The following SGIP1 variants were observed in gnomAD, a reference collection of about 807,000 sequenced individuals.
SGIP1 encodes SH3GL interacting endocytic adaptor 1, also known as SH3-containing GRB2-like protein 3-interacting protein 1.
Under a neutral mutation model 107.5 loss-of-function variants are expected in SGIP1, and 38 were observed. That is an observed-to-expected ratio of 0.35 (90% CI 0.27 to 0.46). The LOEUF (loss-of-function observed/expected upper bound fraction) is 0.46. Ranked by LOEUF, SGIP1 falls within the 20% of genes least tolerant of loss-of-function variation. The probability of loss-of-function intolerance (pLI) is 1.00; values close to 1 mark genes in which losing one functional copy is unlikely to be tolerated. For missense variants in SGIP1, 929 were observed against 1,019.5 expected (o/e 0.91, Z 1.21); for synonymous variants, 365 against 366.1 (o/e 1.00, Z 0.03).
At chr1:66,627,892 TC>T (rs537853371) in intron 2 of SGIP1, among the ~76,000 whole-genome samples, 21 of 123,422 alleles carry the variant, frequency 1.7e-4, no homozygotes, top group African/African-American at 5.3e-4. Context: ...ATGCTATCCC[TC>T]CCCCCTCCCC....
At chr1:66,698,383 T>TC (rs199688742) in intron 18 of SGIP1, among the ~76,000 whole-genome samples, 3,052 of 151,174 alleles carry the variant, frequency 0.02, 101 homozygotes, top group African/African-American at 0.07. Flanking sequence ...TGATGACTTT[T>TC]TTTTTTTTTT....
chr1:66,663,774 A>AG (rs59531111), intron 8 of SGIP1, among the ~76,000 whole-genome samples: 2 of 152,104 alleles, frequency 1.3e-5, no homozygotes, highest in Non-Finnish European at 2.9e-5. Context: ...TAGAAAAAAA[A>AG]TTAAACCTTG....
At chr1:66,620,603 G>A (rs571614855) in intron 1 of SGIP1, among the ~76,000 whole-genome samples, 38 of 152,166 alleles carry the variant, frequency 2.5e-4, no homozygotes, top group South Asian at 6.2e-4. Flanking sequence ...ATAAACTCTT[G>A]TGAGAACTCT....
chr1:66,702,080 G>A (rs996483959), intron 18 of SGIP1, among the ~76,000 whole-genome samples: 4 of 152,114 alleles, frequency 2.6e-5, no homozygotes, highest in Non-Finnish European at 1.5e-5. Flanking sequence ...CCCTTAATAC[G>A]GGCTACATTC....
intron 18 of SGIP1, among the ~76,000 whole-genome samples, chr1:66,711,425 A>T (rs897887222): frequency 6.6e-6 from 1 of 152,148 alleles, no homozygotes; most frequent in African/African-American, 2.4e-5. Context: ...TCTCTTTCCA[A>T]CATTCTTTCC....
intron 6 of SGIP1, 91 bp from the exon 7 acceptor site, chr1:66,643,453 A>T: frequency 9.8e-7 from 1 of 1,016,776 alleles, no homozygotes; most frequent in Non-Finnish European, 1.4e-6. Flanking sequence ...ATCTAAGGAT[A>T]CTTTTGCTGT....
chr1:66,734,383 C>T (rs779504492), intron 21 of SGIP1, among the ~76,000 whole-genome samples: 5 of 151,846 alleles, frequency 3.3e-5, no homozygotes, highest in Non-Finnish European at 7.4e-5. Flanking sequence ...CTTTTTGTAT[C>T]TAGAATTGCC....
At chr1:66,600,888 A>T (rs914356629) in intron 1 of SGIP1, among the ~76,000 whole-genome samples, 4 of 152,140 alleles carry the variant, frequency 2.6e-5, no homozygotes, top group Admixed American at 2.6e-4. Context: ...AACAGGAAGG[A>T]TCTCTTGGGA....
intron 2 of SGIP1, among the ~76,000 whole-genome samples, chr1:66,630,829 A>G (rs186958489): frequency 0.065 from 600 of 9,270 alleles, 27 homozygotes; most frequent in African/African-American, 0.24. Context: ...GAAAGAAAGA[A>G]AGAAAGAAAG....
intron 1 of SGIP1, among the ~76,000 whole-genome samples, chr1:66,619,535 G>C (rs1040739866): frequency 1.3e-5 from 2 of 152,232 alleles, no homozygotes; most frequent in Admixed American, 1.3e-4. Flanking sequence ...CTAAGATGCT[G>C]ATAGGAAGGT....
intron 1 of SGIP1, among the ~76,000 whole-genome samples, chr1:66,618,889 G>T (rs938325524): frequency 1.3e-5 from 2 of 152,164 alleles, no homozygotes; most frequent in Non-Finnish European, 2.9e-5. Flanking sequence ...TAGCTGGAAG[G>T]CAGTCAAATT....
chr1:66,586,191 A>ATT (rs1293061159), intron 1 of SGIP1, among the ~76,000 whole-genome samples: 1 of 152,050 alleles, frequency 6.6e-6, no homozygotes, highest in East Asian at 1.9e-4. Flanking sequence ...TTCATAATAT[A>ATT]TTTTCCCATG....
Position 66,544,834 on chromosome 1 carries a change from G to A in SGIP1, c.10+10466G>A, listed in dbSNP as rs114436574. On this transcript the variant is annotated intron_variant, in intron 1 of 24. Transcript: ENST00000371037. ...GTTCTGGTAACAATGGCCTGAAATG[G>A]TCTCTAAGCCCGATTGTAGGTAGAA... Among the ~76,000 whole-genome samples the A allele has an allele frequency of 9.0e-3, 1,370 of 152,280 alleles. 16 individuals are homozygous for A. The highest frequency in any genetic ancestry group is 0.03 in the African/African-American group (1,263 of 41,548).
chr1:66,674,868 T>C (rs1277480012), intron 12 of SGIP1, among the ~76,000 whole-genome samples: 2 of 152,210 alleles, frequency 1.3e-5, no homozygotes, highest in East Asian at 3.8e-4. Context: ...CAGCTAAAAT[T>C]CTGTTACTAT....
chr1:66,709,896 A>G (rs1296790786), intron 18 of SGIP1, among the ~76,000 whole-genome samples: 6 of 152,226 alleles, frequency 3.9e-5, no homozygotes, highest in Admixed American at 2.6e-4. Flanking sequence ...ATTAGGTGAT[A>G]GTATAAGACT....
chr1:66,552,200 C>T (rs553224045), intron 1 of SGIP1, among the ~76,000 whole-genome samples: 15 of 152,194 alleles, frequency 9.9e-5, no homozygotes, highest in South Asian at 4.2e-4. Flanking sequence ...TTGTCATGAG[C>T]GGAGACTTTA....
At chr1:66,633,966 G>A in intron 3 of SGIP1, 1 of 826,208 alleles carries the variant, frequency 1.2e-6, no homozygotes, top group Admixed American at 2.5e-5. Flanking sequence ...TTGACTCAAG[G>A]TTCTTAGCTT....
In SGIP1 at chr1:66,534,664, G is replaced by C. The variant is rs550263655; in HGVS notation, c.10+296G>C. 1.2e-4 allele frequency among the ~76,000 whole-genome samples: 19 copies of C among 152,324 alleles called. No individual in the cohort carries two copies. The South Asian group carries it at 3.5e-3, about 28-fold the overall frequency. ...AGGAAAGAGCTTGCAGAGCAAATAA[G>C]TTGGGCGAGAAGATAAGGTTTTCTG... On this transcript the variant is annotated intron_variant, in intron 1 of 24. Coordinates refer to ENST00000371037, the MANE Select transcript of SGIP1 (RefSeq NM_032291.4).
At chr1:66,683,153 C>A (rs2087198771) in intron 15 of SGIP1, among the ~76,000 whole-genome samples, 1 of 152,174 alleles carries the variant, frequency 6.6e-6, no homozygotes. Context: ...AGTATAGTAA[C>A]ACCTACCATG....
Sources: gnomAD v4.1 joint callset for allele counts (sites outside exome capture counted in the v4.1 genomes callset) on GRCh38, gnomAD v4.1.1 for gene constraint, MANE v1.5 for transcripts, NCBI Gene and HGNC (gene_info 2026-07-23, HGNC 2026-07-21) for gene names.